The following DIAPH3 variants were observed in gnomAD, a reference collection of about 807,000 sequenced individuals.
DIAPH3 encodes diaphanous related formin 3, also known as protein diaphanous homolog 3.
Under a neutral mutation model 144.3 loss-of-function variants are expected in DIAPH3, and 117 were observed. The ratio of observed to expected loss-of-function variants is 0.81; its 90% confidence interval spans 0.70 to 0.95. The LOEUF is 0.95. DIAPH3 is among the 40% of genes least tolerant of loss of function. The probability of loss-of-function intolerance (pLI) is 0.00; values close to 1 mark genes in which losing one functional copy is unlikely to be tolerated. For missense variants in DIAPH3, 1,421 were observed against 1,412.7 expected (o/e 1.01, Z -0.09); for synonymous variants, 519 against 488.9 (o/e 1.06, Z -0.81).
intron 12 of DIAPH3, among the ~76,000 whole-genome samples, chr13:59,988,072 T>C (rs2051546601): frequency 6.6e-6 from 1 of 151,838 alleles, no homozygotes; most frequent in Non-Finnish European, 1.5e-5. Flanking sequence ...CTACTTACCT[T>C]ACACCTAATA....
intron 4 of DIAPH3, among the ~76,000 whole-genome samples, chr13:60,065,412 A>C (rs2056921422): frequency 6.6e-6 from 1 of 152,154 alleles, no homozygotes; most frequent in Non-Finnish European, 1.5e-5. Flanking sequence ...TGTTGCACTT[A>C]CTGATTGTTT....
At chr13:59,676,626 C>T (rs2032656910) in intron 27 of DIAPH3, among the ~76,000 whole-genome samples, 1 of 152,138 alleles carries the variant, frequency 6.6e-6, no homozygotes, top group African/African-American at 2.4e-5. Flanking sequence ...CCTGTCATTT[C>T]TATAATGAAC....
At chr13:59,960,795 A>C (rs1433635182) in intron 17 of DIAPH3, among the ~76,000 whole-genome samples, 1 of 152,162 alleles carries the variant, frequency 6.6e-6, no homozygotes, top group Non-Finnish European at 1.5e-5. Context: ...CTCAGCTTTC[A>C]AATCTCAAAA....
chr13:59,689,193 A>G (rs9570194), intron 27 of DIAPH3, among the ~76,000 whole-genome samples: 100,089 of 151,792 alleles, frequency 0.66, 33,251 homozygotes, highest in East Asian at 0.72. Context: ...GCTTAAATAC[A>G]GGGGAGAAAG....
chr13:59,882,121 C>A (rs1157194879), intron 20 of DIAPH3, among the ~76,000 whole-genome samples: 1 of 152,130 alleles, frequency 6.6e-6, no homozygotes, highest in Non-Finnish European at 1.5e-5. Context: ...CAGAGTCTCA[C>A]TCTGTCACCC....
At chr13:59,772,337 G>T (rs562243374) in intron 27 of DIAPH3, among the ~76,000 whole-genome samples, 3 of 152,038 alleles carry the variant, frequency 2.0e-5, no homozygotes, top group East Asian at 1.9e-4. Flanking sequence ...TTAGAAATAT[G>T]AAGGGAAAAC....
chr13:59,702,093 C>T (rs539326012), intron 27 of DIAPH3, among the ~76,000 whole-genome samples: 2 of 152,282 alleles, frequency 1.3e-5, no homozygotes, highest in Non-Finnish European at 2.9e-5. Context: ...ACCTCTCATC[C>T]AACCTCAACG....
rs339531 is a variant in DIAPH3, at chr13:60,013,122, A to G, written c.772-2453T>C. 0.25 allele frequency: 245,158 copies of G among 984,812 alleles called. 30,965 individuals carry two copies. The highest frequency in any genetic ancestry group is 0.28 in the South Asian group (5,874 of 21,272). 61.0% of individuals were successfully genotyped at this position (984,812 alleles called of 1,614,324 possible). ...AGGCATGACAAATTTTGAAAGGTCT[A>G]AGGATGTATCTTTCCTGAATGTCAA... On this transcript the variant is annotated intron_variant, in intron 7 of 27. Transcript: ENST00000400324.
At position 59,969,944 on chromosome 13, in the gene DIAPH3, C is replaced by T; in HGVS notation, c.2074G>A (p.Glu692Lys). 3.2e-6 allele frequency: 5 copies of T among 1,581,882 alleles called. No individual in the cohort carries two copies. The highest frequency in any genetic ancestry group is 4.3e-6 in the Non-Finnish European group (5 of 1,155,592). Residue 692 changes from glutamate to lysine, a missense_variant and splice_region_variant, in exon 17 of 28, where the codon GAG (glutamate) becomes AAG (lysine). Physicochemically the swap from Glu to Lys is moderately conservative, Grantham distance 56. Transcript: ENST00000400324. ...TAAATAATCAAGATGTTAAACTTAC[C>T]TTTTTGTTGGCAACAAAATGTATTC... Reference protein sequence around the residue: ...LENTFCCQQKERREEEDIEEK... With the variant: ...LENTFCCQQKKRREEEDIEEK...
rs575292474 is a variant in DIAPH3, at chr13:60,029,956, T to C, written c.626+12734A>G. Among the ~76,000 whole-genome samples, 3 of 152,244 alleles carry C rather than the reference T, an allele frequency of 2.0e-5. No homozygotes were observed. The East Asian group carries it at 5.8e-4, about 29-fold the overall frequency. On this transcript the variant is annotated intron_variant, in intron 5 of 27. Transcript: ENST00000400324. ...CTGCCCACCTTCTCTGACAGCCTTT[T>C]GGATTCCACCATCCTCTCCTCTCTC... is the stretch of plus-strand genomic sequence containing the variant.
At chr13:60,081,919 C>T (rs576110105) in intron 4 of DIAPH3, among the ~76,000 whole-genome samples, 1 of 151,994 alleles carries the variant, frequency 6.6e-6, no homozygotes, top group South Asian at 2.1e-4. Flanking sequence ...TGCCAGAGCT[C>T]CTTCCAGAAC....
chr13:60,005,459 T>C (rs1414529054), intron 9 of DIAPH3, among the ~76,000 whole-genome samples: 5 of 152,126 alleles, frequency 3.3e-5, no homozygotes, highest in African/African-American at 4.8e-5. Context: ...GCTGTTAATA[T>C]ACAAAAAATA....
chr13:60,053,081 T>C (rs2056420020), intron 4 of DIAPH3, among the ~76,000 whole-genome samples: 1 of 151,600 alleles, frequency 6.6e-6, no homozygotes, highest in Non-Finnish European at 1.5e-5. Context: ...TAACTACCTT[T>C]TATTATATTA....
At chr13:59,828,849 G>C (rs1008831573) in intron 24 of DIAPH3, among the ~76,000 whole-genome samples, 1 of 151,756 alleles carries the variant, frequency 6.6e-6, no homozygotes, top group Non-Finnish European at 1.5e-5. Flanking sequence ...CATTCCCAAT[G>C]AGCACATTAT....
At position 59,668,495 on chromosome 13, in the gene DIAPH3, G is replaced by A. The variant is rs1270912637; in HGVS notation, c.3320-1649C>T. ...AGAGATTAAATTAGCCAAAATATGG[G>A]TATAGAATATGAAATGTGTGTGTGC... On this transcript the variant is annotated intron_variant, in intron 27 of 27. Coordinates refer to ENST00000400324, the MANE Select transcript of DIAPH3 (RefSeq NM_001042517.2). 5.9e-5 allele frequency among the ~76,000 whole-genome samples: 9 copies of A among 152,262 alleles called. No homozygotes were observed. In the East Asian group the frequency reaches 1.7e-3, roughly 29 times the overall value.
At chr13:59,996,675 T>C (rs2052212331) in intron 9 of DIAPH3, among the ~76,000 whole-genome samples, 1 of 151,874 alleles carries the variant, frequency 6.6e-6, no homozygotes, top group South Asian at 2.1e-4. Flanking sequence ...GGTAAAGACA[T>C]AACAGGGGCC....
intron 2 of DIAPH3, among the ~76,000 whole-genome samples, chr13:60,130,830 A>T (rs906820085): frequency 6.6e-6 from 1 of 152,192 alleles, no homozygotes; most frequent in Non-Finnish European, 1.5e-5. Context: ...TACCTTACCA[A>T]GGCCAGTTGC....
intron 1 of DIAPH3, among the ~76,000 whole-genome samples, chr13:60,133,856 A>G (rs550752252): frequency 6.6e-6 from 1 of 152,276 alleles, no homozygotes; most frequent in South Asian, 2.1e-4. Context: ...GAAAGGGTCA[A>G]ACACATTTTC....
Position 59,992,465 on chromosome 13 carries a change from G to A in DIAPH3, c.1125+8C>T, listed in dbSNP as rs2051888334. The A allele has an allele frequency of 3.1e-6, 5 of 1,599,986 alleles. No individual in the cohort carries two copies. Among genetic ancestry groups the A allele is most frequent in the Admixed American group, 1.7e-5 (1 of 59,666 alleles). On this transcript the variant is annotated splice_region_variant and intron_variant, in intron 10 of 27. Transcript: ENST00000400324. ...TAAATATTAATAAGGAGACTGCAGG[G>A]CACTTACTGGCAATATCTCTTTCAA...
Sources: allele counts gnomAD v4.1 joint callset (sites outside exome capture counted in the v4.1 genomes callset), GRCh38; gene constraint gnomAD v4.1.1; transcripts MANE v1.5; gene names NCBI Gene and HGNC (gene_info 2026-07-23, HGNC 2026-07-21).